Variants in TTN observed in about 807,000 individuals in gnomAD.
The protein encoded by TTN is titin, also known as connectin.
TTN carries 1,525 observed loss-of-function variants against 3,223.0 expected under a neutral mutation model. That is an observed-to-expected ratio of 0.47 (90% confidence interval 0.45 to 0.49). The LOEUF (loss-of-function observed/expected upper bound fraction) is 0.49. Ranked by LOEUF, TTN falls within the 20% of genes least tolerant of loss-of-function variation. The pLI, the probability that TTN is intolerant of heterozygous loss-of-function variation, is 0.00. For synonymous variants in TTN, 14,094 were observed against 15,161.0 expected (o/e 0.93, Z 5.17); for missense variants, 40,786 against 43,424.0 (o/e 0.94, Z 5.40).
intron 348 of TTN, 24 bp from the exon 349 acceptor site, chr2:178,542,587 A>C: frequency 6.9e-6 from 11 of 1,591,788 alleles, no homozygotes; most frequent in Non-Finnish European, 9.4e-6. Flanking sequence ...GAAATACAGG[A>C]AATTAATTTT....
intron 40 of TTN, among the ~76,000 whole-genome samples, chr2:178,766,890 T>G (rs571347519): frequency 5.3e-5 from 8 of 152,334 alleles, no homozygotes; most frequent in Admixed American, 5.2e-4. Context: ...AAATGTTTGC[T>G]TCTTATTTAC....
chr2:178,743,459 G>A (rs180673584), intron 47 of TTN, among the ~76,000 whole-genome samples: 34 of 151,988 alleles, frequency 2.2e-4, no homozygotes, highest in Admixed American at 2.0e-3. Flanking sequence ...TTCAGTCACT[G>A]TTATTCTGCG....
In TTN at chr2:178,669,462, G is replaced by C. The variant is rs2154263303; in HGVS notation, c.35471-15C>G. 1 of 1,553,204 alleles carries C rather than the reference G, an allele frequency of 6.4e-7. No individual in the cohort carries two copies. Among genetic ancestry groups the C allele is most frequent in the East Asian group, 2.3e-5 (1 of 43,664 alleles). On this transcript the variant is annotated splice_polypyrimidine_tract_variant and intron_variant, in intron 158 of 362. Transcript: ENST00000589042. The stretch of plus-strand genomic sequence containing the variant: ...CATCCCAGGAACTTTAAAGATATTA[G>C]TATATTAATTGTTACAGATAACAAA...
At chr2:178,759,682 G>GA (rs546761878) in intron 43 of TTN, among the ~76,000 whole-genome samples, 1 of 151,924 alleles carries the variant, frequency 6.6e-6, no homozygotes, top group African/African-American at 2.4e-5. Flanking sequence ...GAAGGCTGTA[G>GA]AAAAAAAATC....
rs999334738 is a variant in TTN at position 178,740,061 on chromosome 2, T to C, written c.13172A>G (p.Gln4391Arg). ...ESLLSGIPEEQRLNLKIQICR... is the reference protein window; with the variant it reads ...ESLLSGIPEERRLNLKIQICR... ...GATTTGAATTTTCAGGTTTAATCTC[T>C]GCTCTTCTGGAATACCAGAAAGCAA... is the stretch of plus-strand genomic sequence containing the variant. The change falls in exon 48 of 363, where the codon CAG becomes CGG. Residue 4391 changes from glutamine to arginine, a missense_variant. Gln to Arg is a conservative substitution (Grantham distance 43). Transcript: ENST00000589042. 5.8e-5 allele frequency: 94 copies of C among 1,613,876 alleles called. No homozygotes were observed. Among genetic ancestry groups the C allele is most frequent in the Non-Finnish European group, 7.9e-5 (93 of 1,179,836 alleles).
chr2:178,592,870 C>T lies in TTN; in HGVS notation c.59249G>A (p.Gly19750Asp). ...TKYKVTGLRD[G>D]QTYKFRVLAV... ...TAACACTCTAAACTTATAGGTTTGA[C>T]CGTCCCGAAGACCGGTGACTTTATA... The change falls in exon 300 of 363, where the codon GGT becomes GAT. Residue 19750 changes from glycine (G) to aspartate (D), a missense_variant. By Grantham distance (94) the Gly-to-Asp change is moderately conservative. Transcript: ENST00000589042. 6.2e-6 allele frequency: 10 copies of T among 1,613,506 alleles called. No individual in the cohort carries two copies. The highest frequency in any genetic ancestry group is 8.5e-6 in the Non-Finnish European group (10 of 1,179,594).
At position 178,562,852 on chromosome 2, in the gene TTN, G is replaced by A. The variant is rs1435031798; in HGVS notation, c.83280C>T (p.Asn27760=). 6 of 1,612,834 alleles carry A rather than the reference G, an allele frequency of 3.7e-6. No individual in the cohort carries two copies. The highest frequency in any genetic ancestry group is 1.1e-5 in the South Asian group (1 of 91,022). The change falls in exon 326 of 363, where the codon AAC becomes AAT. Residue 27760 remains asparagine, a synonymous_variant. Coordinates refer to ENST00000589042, the MANE Select transcript of TTN (RefSeq NM_001267550.2). ...CACTTGGTGAGTCAAGAACTCTGAC[G>A]TTAACAAAAGCTGTTTTGGAGCCAC... ...NNSGSKTAFV[N]VRVLDSPSAP...
At chr2:178,790,674 A>T in intron 11 of TTN, 34 bp downstream of exon 11, 1 of 1,613,964 alleles carries the variant, frequency 6.2e-7, no homozygotes, top group Non-Finnish European at 8.5e-7. Context: ...GAAATGGTGC[A>T]AGAGTGACTT....
intron 336 of TTN, 49 bp from the exon 337 acceptor site, chr2:178,550,322 A>T (rs373297789): frequency 1.4e-6 from 2 of 1,451,076 alleles, no homozygotes; most frequent in East Asian, 4.6e-5. Context: ...TAATAAAGAC[A>T]TACATAAATA....
intron 359 of TTN, among the ~76,000 whole-genome samples, chr2:178,529,679 C>T (rs984265825): frequency 6.6e-6 from 1 of 152,174 alleles, no homozygotes; most frequent in Non-Finnish European, 1.5e-5. Flanking sequence ...TATTCACTGA[C>T]TTTATTCTTA....
rs774178619 is a variant in TTN, at chr2:178,770,448, C to T, written c.8344G>A (p.Gly2782Arg). Residue 2782 changes from glycine (G) to arginine (R), a missense_variant, in exon 35 of 363, where the codon GGA becomes AGA. Coordinates refer to ENST00000589042, the MANE Select transcript of TTN (RefSeq NM_001267550.2). Reference sequence around the variant, plus strand: ...AGTCTGGCACTGGCTCCAAGCCTTCCAAGCCTGAAGCCATAAACAGACTCA... The same window carrying T: ...AGTCTGGCACTGGCTCCAAGCCTTCTAAGCCTGAAGCCATAAACAGACTCA... ...VDESVYGFRL[G>R]RLGASARLHV... 1 of 1,614,124 alleles carries T rather than the reference C, an allele frequency of 6.2e-7. No individual in the cohort carries two copies. The highest frequency in any genetic ancestry group is 8.5e-7 in the Non-Finnish European group (1 of 1,180,000).
At chr2:178,690,305 G>T (rs909941851) in intron 121 of TTN, among the ~76,000 whole-genome samples, 25 of 152,168 alleles carry the variant, frequency 1.6e-4, no homozygotes, top group Admixed American at 3.9e-4. Flanking sequence ...TTTAGACTAA[G>T]ACTAAGAAGT....
At position 178,621,240 on chromosome 2, in the gene TTN, C is replaced by A. The variant is rs777294719; in HGVS notation, c.45478G>T (p.Glu15160Ter). The change falls in exon 246 of 363, where the codon GAA (glutamate) becomes TAA (stop). Residue 15160 changes from glutamate to a stop codon, truncating the protein, a stop_gained. Transcript: ENST00000589042. LOFTEE classifies it high-confidence loss of function. Reference protein sequence around the residue: ...VQWKRDDKTLESGDKYDVIAD... With the variant: ...VQWKRDDKTL ...ATAACGTCATATTTATCTCCAGATT[C>A]AAGTGTCTTATCATCCCTCTTCCAC... The A allele has an allele frequency of 6.2e-7, 1 of 1,612,234 alleles. No individual in the cohort carries two copies. Among genetic ancestry groups the A allele is most frequent in the Admixed American group, 1.7e-5 (1 of 59,790 alleles).
At chr2:178,606,275 C>T (rs1251041788) in intron 278 of TTN, among the ~76,000 whole-genome samples, 1 of 151,930 alleles carries the variant, frequency 6.6e-6, no homozygotes, top group Non-Finnish European at 1.5e-5. Context: ...GTTATTGCAA[C>T]CAGAAGGAGT....
At chr2:178,653,150 A>T (rs761556947) in intron 198 of TTN, 26 bp from the exon 199 acceptor site, 2 of 1,605,194 alleles carry the variant, frequency 1.2e-6, no homozygotes, top group Non-Finnish European at 1.7e-6. Flanking sequence ...GTAAAATTAC[A>T]TTTAGGGGTT....
Position 178,789,383 on chromosome 2 carries a change from G to C in TTN, c.2053C>G (p.Gln685Glu), listed in dbSNP as rs1177144006. 1 of 1,613,354 alleles carries C rather than the reference G, an allele frequency of 6.2e-7. No homozygotes were observed. The highest frequency in any genetic ancestry group is 1.7e-5 in the Admixed American group (1 of 60,012). Residue 685 changes from glutamine to glutamate, a missense_variant, in exon 13 of 363, where the codon CAA becomes GAA. Gln to Glu is a conservative substitution (Grantham distance 29). Transcript: ENST00000589042. ...TRETMATRQE[Q>E]IQVTHGKVDV... ...ACCTTTCCATGGGTAACTTGGATTT[G>C]TTCTTGTCTAGTAGCCATAGTTTCT...
Position 178,731,819 on chromosome 2 carries a change from A to C in TTN, c.17056T>G (p.Phe5686Val). The part of the protein sequence containing the change: ...ILRSGRKYKT[F>V]IQDHLVSLQI... ...AGGCTAACCAGATGATCCTGAATGA[A>C]AGTCTTATACTTTCTACCACTTCGC... Residue 5686 changes from phenylalanine to valine, a missense_variant, in exon 58 of 363, where the codon TTC (phenylalanine) becomes GTC (valine). Phe to Val is a conservative substitution (Grantham distance 50, BLOSUM62 -1). Coordinates refer to ENST00000589042, the MANE Select transcript of TTN (RefSeq NM_001267550.2). The C allele has an allele frequency of 6.2e-7, 1 of 1,613,778 alleles. No individual in the cohort carries two copies. The highest frequency in any genetic ancestry group is 8.5e-7 in the Non-Finnish European group (1 of 1,179,758).
chr2:178,545,644 C>T lies in TTN; in HGVS notation c.95466G>A (p.Glu31822=). The part of the protein sequence containing the change: ...GIPEEVGTGK[E]HIIIQWTKPE... The stretch of plus-strand genomic sequence containing the variant: ...GTTTTGTCCACTGAATGATGATATG[C>T]TCTTTGCCAGTCCCAACTTCTTCAG... Residue 31822 remains glutamate, a synonymous_variant, in exon 344 of 363, where the codon GAG becomes GAA. Transcript: ENST00000589042. 6.2e-7 allele frequency: 1 copy of T among 1,613,766 alleles called. No individual in the cohort carries two copies.
In TTN at chr2:178,631,109, C is replaced by T; in HGVS notation, c.43939G>A (p.Ala14647Thr). The T allele has an allele frequency of 6.2e-7, 1 of 1,613,320 alleles. No individual in the cohort carries two copies. The highest frequency in any genetic ancestry group is 1.7e-4 in the Middle Eastern group (1 of 6,058). Residue 14647 changes from alanine to threonine, a missense_variant, in exon 237 of 363, where the codon GCC (alanine) becomes ACC (threonine). Transcript: ENST00000589042. ...TACTGTCCAATATCTGATTTCAAGGCTTTCTTTAGGATTAGCATGCGTTTC... is the reference window on the plus strand; with the variant it reads ...TACTGTCCAATATCTGATTTCAAGGTTTTCTTTAGGATTAGCATGCGTTTC... ...GKKRMLILKK[A>T]LKSDIGQYTC... is the part of the protein sequence containing the mutation.
Sources: allele counts gnomAD v4.1 joint callset (sites outside exome capture counted in the v4.1 genomes callset), GRCh38; gene constraint gnomAD v4.1.1; transcripts MANE v1.5; gene names NCBI Gene and HGNC (gene_info 2026-07-23, HGNC 2026-07-21).